Variants in CADM2 observed in about 807,000 individuals in gnomAD.
CADM2 encodes the protein immunoglobulin superfamily member 4D.
A neutral mutation model predicts 49.8 loss-of-function variants in CADM2; 12 were observed. The observed-to-expected ratio is 0.24, with a 90% CI of 0.15 to 0.39. The LOEUF is 0.39. Ranked by LOEUF, CADM2 falls within the 10% of genes least tolerant of loss-of-function variation. CADM2 has a pLI of 1.00. For missense variants in CADM2, 378 were observed against 492.3 expected (o/e 0.77, Z 2.20); for synonymous variants, 214 against 175.4 (o/e 1.22, Z -1.74).
chr3:85,236,882 G>A (rs1357619311), intron 1 of CADM2, among the ~76,000 whole-genome samples: 1 of 152,024 alleles, frequency 6.6e-6, no homozygotes, highest in East Asian at 1.9e-4. Flanking sequence ...TCTTGTCTTA[G>A]GAGGTGAACT....
At chr3:86,048,246 A>G (rs1244450253) in intron 8 of CADM2, among the ~76,000 whole-genome samples, 3 of 152,038 alleles carry the variant, frequency 2.0e-5, no homozygotes, top group Non-Finnish European at 4.4e-5. Context: ...AGATTTGTAC[A>G]TGTATATACG....
At chr3:85,865,083 G>A (rs2075674864) in intron 3 of CADM2, among the ~76,000 whole-genome samples, 1 of 152,208 alleles carries the variant, frequency 6.6e-6, no homozygotes, top group South Asian at 2.1e-4. Context: ...TTGTTTATAA[G>A]GCTGTGTCTG....
intron 1 of CADM2, among the ~76,000 whole-genome samples, chr3:85,370,253 A>ATAATAG (rs1236385033): frequency 6.8e-6 from 1 of 146,952 alleles, no homozygotes; most frequent in South Asian, 2.1e-4. Flanking sequence ...AATAATAATA[A>ATAATAG]TAATAAAATT....
intron 1 of CADM2, among the ~76,000 whole-genome samples, chr3:85,307,163 A>C (rs1307050796): frequency 6.6e-6 from 1 of 151,752 alleles, no homozygotes; most frequent in African/African-American, 2.4e-5. Flanking sequence ...GTATATGCAT[A>C]TATATATGTG....
At chr3:85,815,369 C>T (rs1441561766) in intron 3 of CADM2, among the ~76,000 whole-genome samples, 2 of 152,098 alleles carry the variant, frequency 1.3e-5, no homozygotes, top group African/African-American at 4.8e-5. Context: ...AAACTGTATC[C>T]AGCAGCACAT....
At chr3:85,764,077 G>A (rs967527301) in intron 2 of CADM2, among the ~76,000 whole-genome samples, 1 of 152,028 alleles carries the variant, frequency 6.6e-6, no homozygotes, top group Non-Finnish European at 1.5e-5. Flanking sequence ...CTCAGTATAT[G>A]TACTATCGTA....
chr3:85,278,180 C>G (rs1336616449), intron 1 of CADM2, among the ~76,000 whole-genome samples: 2 of 151,140 alleles, frequency 1.3e-5, no homozygotes, highest in African/African-American at 4.8e-5. Context: ...CTAGTAGGTA[C>G]CTAATGACTA....
chr3:85,174,517 AAT>A (rs201772803), intron 1 of CADM2, among the ~76,000 whole-genome samples: 6 of 146,572 alleles, frequency 4.1e-5, no homozygotes, highest in African/African-American at 5.3e-5. Flanking sequence ...TGTATATATA[AAT>A]ATATATATAT....
chr3:85,758,800 T>C (rs1232349602), intron 2 of CADM2, among the ~76,000 whole-genome samples: 2 of 152,238 alleles, frequency 1.3e-5, no homozygotes, highest in South Asian at 2.1e-4. Context: ...TCTTTTTTGG[T>C]ACTAGAAGTA....
chr3:85,427,386 G>A (rs2107512725), intron 1 of CADM2, among the ~76,000 whole-genome samples: 1 of 151,860 alleles, frequency 6.6e-6, no homozygotes, highest in Non-Finnish European at 1.5e-5. Context: ...TCTCCTCTTT[G>A]TAATTTGTTT....
rs958040120 is a variant in CADM2 at position 85,846,580 on chromosome 3, A to G, written c.239-36711A>G. On this transcript the variant is annotated intron_variant, in intron 3 of 9. Coordinates refer to ENST00000383699, the MANE Select transcript of CADM2 (RefSeq NM_001167675.2). ...AGCAAAAATTAAAATATATTTCAAG[A>G]TTAAGGCTATGTGTGGTGGCTTACA... Among the ~76,000 whole-genome samples the G allele has an allele frequency of 3.9e-5, 6 of 152,260 alleles. No homozygotes were observed. In the East Asian group the frequency reaches 1.2e-3, roughly 29 times the overall value.
At chr3:85,617,810 G>A (rs1033829383) in intron 1 of CADM2, among the ~76,000 whole-genome samples, 16 of 152,186 alleles carry the variant, frequency 1.1e-4, no homozygotes, top group Middle Eastern at 3.4e-3. Context: ...GTAGGATATG[G>A]GGTTGAAAAC....
At chr3:85,949,059 A>G (rs1003908126) in intron 7 of CADM2, among the ~76,000 whole-genome samples, 1 of 151,516 alleles carries the variant, frequency 6.6e-6, no homozygotes, top group African/African-American at 2.4e-5. Context: ...CAGAAACAAC[A>G]TTGAAAATAT....
At chr3:85,957,140 T>C (rs911076154) in intron 7 of CADM2, among the ~76,000 whole-genome samples, 4 of 151,688 alleles carry the variant, frequency 2.6e-5, no homozygotes, top group Admixed American at 6.6e-5. Flanking sequence ...ATGTTAACGA[T>C]GTACATAGCA....
intron 2 of CADM2, among the ~76,000 whole-genome samples, chr3:85,763,078 G>A (rs1012188584): frequency 6.6e-6 from 1 of 152,112 alleles, no homozygotes; most frequent in African/African-American, 2.4e-5. Context: ...ATAAGACAAT[G>A]AGTTCCTTAA....
intron 1 of CADM2, among the ~76,000 whole-genome samples, chr3:85,580,234 T>C (rs2062756544): frequency 6.6e-6 from 1 of 152,188 alleles, no homozygotes; most frequent in Admixed American, 6.5e-5. Context: ...AGTAGCAGTT[T>C]ATCCCATTGC....
rs34883542 is a variant in CADM2, at chr3:85,641,770, C to CAA, written c.62-84741_62-84740dup. Among the ~76,000 whole-genome samples the CAA allele has an allele frequency of 5.9e-3, 860 of 144,776 alleles. 7 individuals carry two copies. Among genetic ancestry groups the CAA allele is most frequent in the Middle Eastern group, 0.021 (6 of 284 alleles). The allele number at this position is 144,776 out of a possible 152,430, so 95.0% of individuals were successfully genotyped here. ...TGAAACCCCGTCTTTACTAAAAATA[C>CAA]AAAAAAAAAAAATAGCCAGGTGTGG... is the stretch of plus-strand genomic sequence containing the variant. On this transcript the variant is annotated intron_variant, in intron 1 of 9. Transcript: ENST00000383699.
At chr3:85,430,456 T>C (rs1009864862) in intron 1 of CADM2, among the ~76,000 whole-genome samples, 1 of 151,970 alleles carries the variant, frequency 6.6e-6, no homozygotes, top group Non-Finnish European at 1.5e-5. Flanking sequence ...AGTTAGAGGT[T>C]ACAGTGATCC....
At chr3:85,556,021 CA>C (rs1281433919) in intron 1 of CADM2, among the ~76,000 whole-genome samples, 6 of 152,008 alleles carry the variant, frequency 3.9e-5, no homozygotes, top group Non-Finnish European at 7.4e-5. Context: ...ACACAAGGAT[CA>C]GGGGCATTGA....
Sources: allele counts gnomAD v4.1 joint callset (sites outside exome capture counted in the v4.1 genomes callset), GRCh38; gene constraint gnomAD v4.1.1; transcripts MANE v1.5; gene names NCBI Gene and HGNC (gene_info 2026-07-23, HGNC 2026-07-21).